BCORL1: variants seen among roughly 807,000 people sequenced by gnomAD.
BCORL1 encodes the protein BCL-6 corepressor-like protein 1.
In BCORL1, 7 loss-of-function variants were observed where a neutral mutation model predicts 87.6. The ratio of observed to expected loss-of-function variants is 0.08; its 90% CI spans 0.05 to 0.15. The LOEUF (loss-of-function observed/expected upper bound fraction) is 0.15, where lower values mean the gene tolerates loss of function less well. Ranked by LOEUF, BCORL1 falls within the 10% of genes least tolerant of loss-of-function variation. The probability of loss-of-function intolerance (pLI) is 1.00; values close to 1 mark genes in which losing one functional copy is unlikely to be tolerated. For missense variants in BCORL1, 1,215 were observed against 1,499.7 expected, an observed-to-expected ratio of 0.81 and a Z score of 3.13; for synonymous variants, 591 against 634.4, an observed-to-expected ratio of 0.93 and a Z score of 1.03.
At chrX:130,018,152 A>G (rs993650693) in intron 4 of BCORL1, among the ~76,000 whole-genome samples, 6 of 112,347 alleles carry the variant, frequency 5.3e-5, no homozygotes, top group African/African-American at 1.3e-4. Flanking sequence ...TAGTCAAGCT[A>G]CTTAATCTCT....
chrX:129,985,409 A>T (rs1005200276), intron 1 of BCORL1, among the ~76,000 whole-genome samples: 5 of 111,566 alleles, frequency 4.5e-5, no homozygotes, highest in African/African-American at 1.6e-4. Context: ...TTGAATGGTG[A>T]TGTCACCATG....
chrX:130,017,362 C>T (rs1202953157), intron 4 of BCORL1, among the ~76,000 whole-genome samples: 6 of 110,361 alleles, frequency 5.4e-5, no homozygotes, highest in African/African-American at 1.3e-4. Context: ...GAGCATATAA[C>T]GTTTGGCAGG....
chrX:130,029,404 C>T (rs1460175869), intron 8 of BCORL1, among the ~76,000 whole-genome samples: 1 of 111,074 alleles, frequency 9.0e-6, no homozygotes, highest in African/African-American at 3.3e-5. Context: ...AACAGCCAGG[C>T]AAGCATTCCT....
intron 2 of BCORL1, among the ~76,000 whole-genome samples, chrX:130,011,950 C>T (rs1268034366): frequency 9.0e-6 from 1 of 111,288 alleles, no homozygotes; most frequent in Admixed American, 9.6e-5. Flanking sequence ...TCTTAAAATG[C>T]CTCTCAGCAC....
chrX:130,046,512 G>A (rs770848085), intron 11 of BCORL1, among the ~76,000 whole-genome samples: 1 of 109,101 alleles, frequency 9.2e-6, no homozygotes, highest in East Asian at 2.9e-4. Context: ...AGCCTCCTGA[G>A]TAGCTGGGAT....
intron 1 of BCORL1, among the ~76,000 whole-genome samples, chrX:129,988,179 T>C (rs1174173414): frequency 8.9e-6 from 1 of 112,001 alleles, no homozygotes; most frequent in African/African-American, 3.2e-5. Context: ...ATTTTACATA[T>C]GAACTAGGCT....
At chrX:130,021,393 A>T (rs1180871574) in intron 5 of BCORL1, 1 of 469,814 alleles carries the variant, frequency 2.1e-6, no homozygotes, top group East Asian at 1.9e-4. Flanking sequence ...CGACACAAAC[A>T]CCAGGCCCAC....
intron 7 of BCORL1, among the ~76,000 whole-genome samples, chrX:130,026,890 T>C (rs1930277821): frequency 1.8e-5 from 2 of 113,691 alleles, no homozygotes; most frequent in South Asian, 3.5e-4. Flanking sequence ...CCTCCAGATC[T>C]GATGATGGCA....
chrX:129,980,551 G>A (rs1176075179), upstream of BCORL1, among the ~76,000 whole-genome samples: 1 of 112,265 alleles, frequency 8.9e-6, no homozygotes, highest in African/African-American at 3.2e-5. Context: ...ACACTGCCGG[G>A]ACCGAGGCCG....
chrX:129,995,720 C>T (rs1290798146), intron 1 of BCORL1, among the ~76,000 whole-genome samples: 1 of 111,916 alleles, frequency 8.9e-6, no homozygotes, highest in African/African-American at 3.2e-5. Context: ...GATTACAGGC[C>T]TGAGCCACTA....
At chrX:129,984,236 G>C (rs1926404142) in intron 1 of BCORL1, among the ~76,000 whole-genome samples, 1 of 105,406 alleles carries the variant, frequency 9.5e-6, no homozygotes, top group Admixed American at 9.9e-5. Context: ...CGCCGCCGCC[G>C]CCGCCGCTTC....
intron 1 of BCORL1, among the ~76,000 whole-genome samples, chrX:129,985,222 G>A (rs763239627): frequency 4.5e-4 from 51 of 112,156 alleles, no homozygotes; most frequent in Non-Finnish European, 1.5e-4. Context: ...TGCATTTGGG[G>A]TTGGGAGTGG....
At chrX:130,036,250 T>C (rs1001082150) in intron 9 of BCORL1, among the ~76,000 whole-genome samples, 1 of 111,505 alleles carries the variant, frequency 9.0e-6, no homozygotes, top group African/African-American at 3.3e-5. Flanking sequence ...TGAATGGCAG[T>C]ATTGGATTAT....
At chrX:129,984,089 A>G (rs1463225411) in intron 1 of BCORL1, among the ~76,000 whole-genome samples, 1 of 54,774 alleles carries the variant, frequency 1.8e-5, no homozygotes, top group Non-Finnish European at 3.2e-5. Flanking sequence ...CTTCGGGGGG[A>G]GCAGTCCGGC....
chrX:130,033,084 CTTTT>C (rs1185161642), intron 8 of BCORL1, among the ~76,000 whole-genome samples: 1 of 96,218 alleles, frequency 1.0e-5, no homozygotes, highest in Admixed American at 1.1e-4. Flanking sequence ...TTTCTTCTCT[CTTTT>C]TTTTTTTTTT....
upstream of BCORL1, chrX:129,981,158 T>C: frequency 9.0e-6 from 1 of 111,543 alleles, no homozygotes; most frequent in Non-Finnish European, 1.9e-5. Context: ...CGGGCGGCGA[T>C]TCCGGGAAAA....
At position 130,039,160 on chromosome X, in the gene BCORL1, A is replaced by G. The variant is rs1931154156; in HGVS notation, c.4718A>G (p.Asn1573Ser). The G allele has an allele frequency of 3.3e-6, 4 of 1,211,432 alleles. No homozygotes were observed. The highest frequency in any genetic ancestry group is 5.9e-5 in the East Asian group (2 of 33,847). Residue 1573 changes from asparagine (N) to serine (S), a missense_variant, in exon 11 of 14, where the codon AAT (asparagine) becomes AGT (serine). By Grantham distance (46) the Asn-to-Ser change is conservative (BLOSUM62 1). This residue lies in a region of BCORL1 where 55 missense variants were observed against 115.1 expected (regional missense o/e 0.48). Transcript: ENST00000540052. ...AGGCCAGTTCATGATGCGGTGGTCA[A>G]TGACAACCTGGAGACCATCTGGCTC... ...GTRPVHDAVVNDNLETIWLLL... is the reference protein window; with the variant it reads ...GTRPVHDAVVSDNLETIWLLL...
chrX:130,043,768 ATATATATATATATATATT>A (rs1402318882), intron 11 of BCORL1, among the ~76,000 whole-genome samples: 1 of 17,687 alleles, frequency 5.7e-5, no homozygotes, highest in East Asian at 1.3e-3. Flanking sequence ...ATATATATAT[ATATATATATATATATATT>A]TTTTTTTTTT....
chrX:129,987,181 G>T (rs939278838), intron 1 of BCORL1, among the ~76,000 whole-genome samples: 4 of 112,096 alleles, frequency 3.6e-5, no homozygotes, highest in African/African-American at 6.5e-5. Context: ...AATCACTAAG[G>T]TTGGGGCAAG....
Sources: allele counts gnomAD v4.1 joint callset (sites outside exome capture counted in the v4.1 genomes callset), GRCh38; gene constraint gnomAD v4.1.1; regional missense constraint gnomAD v4.1.1; transcripts MANE v1.5; gene names NCBI Gene and HGNC (gene_info 2026-07-23, HGNC 2026-07-21).